Variants in SOX5 observed in about 807,000 individuals in gnomAD.
SOX5 encodes transcription factor SOX-5.
A neutral mutation model predicts 92.0 loss-of-function variants in SOX5; 9 were observed. That is an observed-to-expected ratio of 0.10 (90% CI 0.06 to 0.17). SOX5 has a LOEUF of 0.17. Ranked by LOEUF, SOX5 falls within the 10% of genes least tolerant of loss-of-function variation. The pLI is 1.00. For missense variants in SOX5, 642 were observed against 944.5 expected, an observed-to-expected ratio of 0.68 and a Z score of 4.20; for synonymous variants, 344 against 336.3, an observed-to-expected ratio of 1.02 and a Z score of -0.25.
chr12:23,693,992 T>C (rs1426786674), intron 6 of SOX5, among the ~76,000 whole-genome samples: 2 of 152,190 alleles, frequency 1.3e-5, no homozygotes, highest in Admixed American at 6.5e-5. Flanking sequence ...CTAGTTATTT[T>C]AGCCTTTACA....
At position 24,017,311 on chromosome 12, in the gene SOX5, G is replaced by A. The variant is rs570048021; in HGVS notation, c.-1-121287C>T. 1.6e-4 allele frequency among the ~76,000 whole-genome samples: 25 copies of A among 152,164 alleles called. No individual in the cohort carries two copies. In the South Asian group the frequency reaches 2.9e-3, roughly 18 times the overall value. The stretch of plus-strand genomic sequence containing the variant: ...GCTGAACTAAGCTGGAGAAAATCAC[G>A]CAACAGGTTATGTGTGGTGGTTCAT... On this transcript the variant is annotated intron_variant, in intron 4 of 4. Transcript: ENST00000446891.
intron 1 of SOX5, among the ~76,000 whole-genome samples, chr12:24,443,768 G>T (rs1347909051): frequency 6.6e-6 from 1 of 152,234 alleles, no homozygotes; most frequent in Non-Finnish European, 1.5e-5. Flanking sequence ...GTAACAGGTT[G>T]AGACTTGAGT....
chr12:23,994,802 G>GA, intron 4 of SOX5, among the ~76,000 whole-genome samples: 1 of 152,064 alleles, frequency 6.6e-6, no homozygotes, highest in Non-Finnish European at 1.5e-5. Context: ...AACCTTCACA[G>GA]AAAAAAATGG....
intron 11 of SOX5, among the ~76,000 whole-genome samples, chr12:23,558,006 A>G (rs1055061686): frequency 2.0e-5 from 3 of 151,068 alleles, no homozygotes; most frequent in Non-Finnish European, 4.4e-5. Context: ...CTGGACATGT[A>G]AGAGTGGAAG....
In SOX5 at chr12:23,575,569, T is replaced by C. The variant is rs1210257126; in HGVS notation, c.1342+92A>G. On this transcript the variant is annotated intron_variant, in intron 10 of 14. Transcript: ENST00000451604. ...AAGCTGTCCTATAGAATTCAAGCCGTGTATAGAGTGGGTGTGATGTGCCAT... is the reference window on the plus strand; with the variant it reads ...AAGCTGTCCTATAGAATTCAAGCCGCGTATAGAGTGGGTGTGATGTGCCAT... The C allele has an allele frequency of 3.3e-6, 4 of 1,195,106 alleles. No individual in the cohort carries two copies. The African/African-American group carries it at 4.5e-5, about 13-fold the overall frequency. 74.0% of individuals were successfully genotyped at this position (1,195,106 alleles called of 1,614,324 possible).
chr12:24,442,248 G>C (rs1378870461), intron 1 of SOX5, among the ~76,000 whole-genome samples: 1 of 152,076 alleles, frequency 6.6e-6, no homozygotes, highest in Non-Finnish European at 1.5e-5. Context: ...TGTCCTGTTA[G>C]GTCAGTTTCC....
At chr12:24,413,639 T>C (rs989233134) in intron 1 of SOX5, among the ~76,000 whole-genome samples, 39 of 152,352 alleles carry the variant, frequency 2.6e-4, no homozygotes, top group African/African-American at 8.4e-4. Flanking sequence ...ATCACTCATC[T>C]ACATTGGAAT....
intron 1 of SOX5, among the ~76,000 whole-genome samples, chr12:23,909,860 C>T (rs1192863986): frequency 2.0e-5 from 3 of 151,948 alleles, no homozygotes; most frequent in East Asian, 1.9e-4. Context: ...CCAAACACCC[C>T]CATTCCAATC....
intron 9 of SOX5, among the ~76,000 whole-genome samples, chr12:23,583,312 T>C (rs1206701908): frequency 6.6e-6 from 1 of 152,122 alleles, no homozygotes; most frequent in Non-Finnish European, 1.5e-5. Context: ...AGTTTCCATA[T>C]ATTTACCAAG....
chr12:23,627,298 A>C (rs2077956880), intron 8 of SOX5, among the ~76,000 whole-genome samples: 1 of 152,190 alleles, frequency 6.6e-6, no homozygotes, highest in Admixed American at 6.5e-5. Context: ...TCAGAAGAAA[A>C]GATTTTTATA....
chr12:24,356,156 T>C (rs762629122), intron 2 of SOX5, among the ~76,000 whole-genome samples: 1 of 152,120 alleles, frequency 6.6e-6, no homozygotes, highest in Non-Finnish European at 1.5e-5. Context: ...ATTACCAATA[T>C]AGCATAAAAT....
At chr12:24,090,443 C>T (rs1467692913) in intron 4 of SOX5, among the ~76,000 whole-genome samples, 1 of 151,824 alleles carries the variant, frequency 6.6e-6, no homozygotes, top group Non-Finnish European at 1.5e-5. Context: ...ATCCCAAGAG[C>T]TCAAAGAGAC....
chr12:24,475,999 A>T (rs34249037), intron 1 of SOX5, among the ~76,000 whole-genome samples: 4 of 100,786 alleles, frequency 4.0e-5, no homozygotes, highest in Admixed American at 3.1e-4. Context: ...CATTTAAAAA[A>T]AAAAAAAAAA....
At chr12:24,118,896 G>A (rs1012344244) in intron 4 of SOX5, among the ~76,000 whole-genome samples, 2 of 152,102 alleles carry the variant, frequency 1.3e-5, no homozygotes, top group Non-Finnish European at 2.9e-5. Flanking sequence ...GATTACGCAA[G>A]TGAAAATTCT....
chr12:23,707,323 T>G (rs2091514188), intron 6 of SOX5, among the ~76,000 whole-genome samples: 1 of 152,146 alleles, frequency 6.6e-6, no homozygotes, highest in Non-Finnish European at 1.5e-5. Flanking sequence ...GGCATAGGAT[T>G]GGATTTTTAA....
chr12:23,534,104 T>TAACA lies in SOX5; in HGVS notation c.*111_*114dup, dbSNP rs1351552098. On this transcript the variant is annotated 3_prime_UTR_variant, in exon 15 of 15. Coordinates refer to ENST00000451604, the MANE Select transcript of SOX5 (RefSeq NM_006940.6). ...AGCTGATGTCCCAACTATTTAAGAC[T>TAACA]AACAGTTAAAGTAACAGTCAGTGTA... is the stretch of plus-strand genomic sequence containing the variant. The TAACA allele has an allele frequency of 1.2e-6, 1 of 864,678 alleles. No homozygotes were observed. Among genetic ancestry groups the TAACA allele is most frequent in the East Asian group, 2.4e-5 (1 of 41,050 alleles). 53.6% of individuals were successfully genotyped at this position (864,678 alleles called of 1,614,324 possible). A position where few individuals can be genotyped will look rare whatever the true frequency, so the allele number is the denominator to read the frequency against.
At chr12:23,789,598 T>C (rs916726987) in intron 3 of SOX5, among the ~76,000 whole-genome samples, 30 of 152,156 alleles carry the variant, frequency 2.0e-4, no homozygotes, top group African/African-American at 6.8e-4. Flanking sequence ...ATTGTATTAA[T>C]ATAGCCAATG....
chr12:24,105,607 C>T (rs1946584334), intron 4 of SOX5, among the ~76,000 whole-genome samples: 1 of 152,132 alleles, frequency 6.6e-6, no homozygotes, highest in Non-Finnish European at 1.5e-5. Context: ...TTCAATGAAA[C>T]CATTCCAAAT....
chr12:23,811,711 T>C (rs2095878198), intron 3 of SOX5, among the ~76,000 whole-genome samples: 1 of 152,098 alleles, frequency 6.6e-6, no homozygotes, highest in Non-Finnish European at 1.5e-5. Flanking sequence ...AAGAGCATGA[T>C]TTAAAATGTT....
Sources: gnomAD v4.1 joint callset for allele counts (sites outside exome capture counted in the v4.1 genomes callset) on GRCh38, gnomAD v4.1.1 for gene constraint, MANE v1.5 for transcripts, NCBI Gene and HGNC (gene_info 2026-07-23, HGNC 2026-07-21) for gene names.